Variants in CACNG2 observed in about 807,000 individuals in gnomAD.
CACNG2 encodes calcium voltage-gated channel auxiliary subunit gamma 2.
A neutral mutation model predicts 25.9 loss-of-function variants in CACNG2; 3 were observed. That is an observed-to-expected ratio of 0.12 (90% CI 0.05 to 0.30). CACNG2 has a LOEUF of 0.30. Ranked by LOEUF, CACNG2 falls within the 10% of genes least tolerant of loss-of-function variation. The pLI is 1.00. For synonymous variants in CACNG2, 167 were observed against 173.3 expected, an observed-to-expected ratio of 0.96 and a Z score of 0.29; for missense variants, 341 against 432.5, an observed-to-expected ratio of 0.79 and a Z score of 1.88.
chr22:36,600,794 G>A (rs888719758), intron 1 of CACNG2, among the ~76,000 whole-genome samples: 14 of 152,150 alleles, frequency 9.2e-5, no homozygotes, highest in African/African-American at 2.9e-4. Flanking sequence ...TGATCTGCCC[G>A]CCCTGGCCTC....
chr22:36,686,602 G>A (rs1937202271), intron 1 of CACNG2, among the ~76,000 whole-genome samples: 1 of 152,208 alleles, frequency 6.6e-6, no homozygotes, highest in African/African-American at 2.4e-5. Flanking sequence ...GGAATATTGT[G>A]GTGGTGGAAT....
intron 1 of CACNG2, among the ~76,000 whole-genome samples, chr22:36,640,986 C>T (rs1936435376): frequency 6.6e-6 from 1 of 152,300 alleles, no homozygotes; most frequent in South Asian, 2.1e-4. Context: ...TACGCATTTG[C>T]TGTTCCCTCG....
intron 1 of CACNG2, among the ~76,000 whole-genome samples, chr22:36,643,600 A>G (rs1227868659): frequency 1.3e-5 from 2 of 152,176 alleles, no homozygotes; most frequent in Non-Finnish European, 2.9e-5. Flanking sequence ...GCTAATCAGA[A>G]GGGAAGGTCA....
intron 1 of CACNG2, among the ~76,000 whole-genome samples, chr22:36,669,508 CA>C (rs1157379465): frequency 0.056 from 3,436 of 61,386 alleles, 63 homozygotes; most frequent in African/African-American, 0.17. Flanking sequence ...ACTCTATCTC[CA>C]AAAAAAAAAA....
At chr22:36,626,845 G>A (rs1276694729) in intron 1 of CACNG2, among the ~76,000 whole-genome samples, 1 of 152,214 alleles carries the variant, frequency 6.6e-6, no homozygotes, top group Non-Finnish European at 1.5e-5. Context: ...AGAGTAAAAC[G>A]AAGACCCCAA....
chr22:36,684,816 T>C (rs993101137), intron 1 of CACNG2, among the ~76,000 whole-genome samples: 5 of 152,228 alleles, frequency 3.3e-5, no homozygotes, highest in African/African-American at 4.8e-5. Context: ...CAGGAAACAG[T>C]GGTTCAGAGA....
rs71193254 is a variant in CACNG2, at chr22:36,661,966, C to CTTTTTT, written c.211+40394_211+40399dup. ...TGCTTCCTATGGACTCATTGCTATTCTTTTTTTTTTTTTTTTTTTTTTTTT... is the reference window on the plus strand; with the variant it reads ...TGCTTCCTATGGACTCATTGCTATTCTTTTTTTTTTTTTTTTTTTTTTTTTTTTTTT... On this transcript the variant is annotated intron_variant, in intron 1 of 3. Transcript: ENST00000300105. 5.4e-3 allele frequency among the ~76,000 whole-genome samples: 239 copies of CTTTTTT among 44,602 alleles called. 59 individuals carry two copies. The highest frequency in any genetic ancestry group is 0.037 in the East Asian group (27 of 724). 29.3% of individuals were successfully genotyped at this position (44,602 alleles called of 152,430 possible).
chr22:36,669,019 C>A (rs772919422), intron 1 of CACNG2, among the ~76,000 whole-genome samples: 13 of 152,188 alleles, frequency 8.5e-5, no homozygotes, highest in Non-Finnish European at 1.3e-4. Context: ...ATGCTAATGT[C>A]TTCCGGAAGT....
chr22:36,648,609 G>C (rs954941172), intron 1 of CACNG2, among the ~76,000 whole-genome samples: 1 of 152,112 alleles, frequency 6.6e-6, no homozygotes, highest in Admixed American at 6.6e-5. Context: ...TCTCTCTCCA[G>C]GGCCCCTGAG....
intron 1 of CACNG2, among the ~76,000 whole-genome samples, chr22:36,610,845 C>A (rs1935929281): frequency 6.6e-6 from 1 of 152,168 alleles, no homozygotes; most frequent in African/African-American, 2.4e-5. Flanking sequence ...CTTGGGGAGA[C>A]CGCCAAGGCC....
rs372055401 is a variant in CACNG2 at position 36,674,189 on chromosome 22, A to C, written c.211+28177T>G. 6.6e-5 allele frequency among the ~76,000 whole-genome samples: 10 copies of C among 152,120 alleles called. 1 individual carries two copies. Among genetic ancestry groups the C allele is most frequent in the South Asian group, 6.2e-4 (3 of 4,820 alleles). On this transcript the variant is annotated intron_variant, in intron 1 of 3. Transcript: ENST00000300105. ...TGTGGTGGGCTCAGAGCCAGCCTGC[A>C]CTCTTGGCTCCACCACCCCTGAGAA... is the stretch of plus-strand genomic sequence containing the variant.
chr22:36,609,669 G>A (rs1385197723), intron 1 of CACNG2, among the ~76,000 whole-genome samples: 4 of 107,348 alleles, frequency 3.7e-5, no homozygotes, highest in South Asian at 3.2e-4. Context: ...CCCCCAGAGC[G>A]TGATCGGGCA....
Position 36,587,692 on chromosome 22 carries a change from G to A in CACNG2, c.212-144C>T, listed in dbSNP as rs78331973. Reference sequence around the variant, plus strand: ...CCTGAAGGAAGGTTTCGCTTTGTCCGTTTGGACATCTGCCTGGTGAATCAC... The same window carrying A: ...CCTGAAGGAAGGTTTCGCTTTGTCCATTTGGACATCTGCCTGGTGAATCAC... On this transcript the variant is annotated intron_variant, in intron 1 of 3. Transcript: ENST00000300105. The A allele has an allele frequency of 4.4e-4, 323 of 737,056 alleles. 1 individual carries two copies. The highest frequency in any genetic ancestry group is 3.7e-3 in the African/African-American group (216 of 58,730). The allele number at this position is 737,056 out of a possible 1,614,324, so 45.7% of individuals were successfully genotyped here. A position where few individuals can be genotyped will look rare whatever the true frequency, so the allele number is the denominator to read the frequency against.
chr22:36,674,752 C>A (rs1936999778), intron 1 of CACNG2, among the ~76,000 whole-genome samples: 1 of 152,206 alleles, frequency 6.6e-6, no homozygotes, highest in Non-Finnish European at 1.5e-5. Context: ...CCTATTCTTA[C>A]CCACTGTGCT....
At chr22:36,657,787 G>A (rs73884128) in intron 1 of CACNG2, among the ~76,000 whole-genome samples, 13,737 of 152,012 alleles carry the variant, frequency 0.09, 2,059 homozygotes, top group African/African-American at 0.31. Context: ...CTATGGCTCA[G>A]GGAGTGGAGG....
chr22:36,666,453 T>C (rs1286614212), intron 1 of CACNG2, among the ~76,000 whole-genome samples: 1 of 152,100 alleles, frequency 6.6e-6, no homozygotes, highest in South Asian at 2.1e-4. Flanking sequence ...TCAACTTACA[T>C]GAGGTCCCCA....
chr22:36,659,972 G>A (rs1342395129), intron 1 of CACNG2, among the ~76,000 whole-genome samples: 1 of 152,292 alleles, frequency 6.6e-6, no homozygotes, highest in African/African-American at 2.4e-5. Context: ...CCAGTGGCTG[G>A]TGGCTTCCAG....
chr22:36,565,538 G>T (rs1244092835), intron 3 of CACNG2, among the ~76,000 whole-genome samples: 1 of 151,802 alleles, frequency 6.6e-6, no homozygotes, highest in East Asian at 1.9e-4. Context: ...GAGTGCAGTG[G>T]TGTGATCACA....
At chr22:36,570,451 G>C (rs1349410942) in intron 2 of CACNG2, among the ~76,000 whole-genome samples, 1 of 152,206 alleles carries the variant, frequency 6.6e-6, no homozygotes, top group African/African-American at 2.4e-5. Context: ...CGTGGAAGAG[G>C]CCTCTTTGCC....
Sources: gnomAD v4.1 joint callset for allele counts (sites outside exome capture counted in the v4.1 genomes callset) on GRCh38, gnomAD v4.1.1 for gene constraint, MANE v1.5 for transcripts, NCBI Gene and HGNC (gene_info 2026-07-23, HGNC 2026-07-21) for gene names.